Variants in ME3 observed in about 807,000 individuals in gnomAD.
ME3 encodes NADP-dependent malic enzyme, mitochondrial.
In ME3, 48 loss-of-function variants were observed where a neutral mutation model predicts 68.9. That is an observed-to-expected ratio of 0.70 (90% CI 0.55 to 0.89). ME3 has a LOEUF of 0.89. Ranked by LOEUF, ME3 falls within the 40% of genes least tolerant of loss-of-function variation. ME3 has a pLI of 0.00. For missense variants in ME3, 675 were observed against 797.4 expected (o/e 0.85, Z 1.85); for synonymous variants, 320 against 318.8 (o/e 1.00, Z -0.04).
chr11:86,587,549 G>A (rs1958812190), intron 2 of ME3, among the ~76,000 whole-genome samples: 1 of 152,168 alleles, frequency 6.6e-6, no homozygotes, highest in African/African-American at 2.4e-5. Flanking sequence ...GGCCTAACTC[G>A]AGTCTTGCCC....
At chr11:86,453,268 G>A (rs1324953050) in intron 8 of ME3, among the ~76,000 whole-genome samples, 1 of 152,188 alleles carries the variant, frequency 6.6e-6, no homozygotes, top group Non-Finnish European at 1.5e-5. Context: ...CGAAAGTGCT[G>A]GGATTACAGG....
intron 2 of ME3, among the ~76,000 whole-genome samples, chr11:86,607,241 A>G (rs559745673): frequency 4.8e-4 from 73 of 152,204 alleles, no homozygotes; most frequent in Non-Finnish European, 9.0e-4. Flanking sequence ...TGATGGTGCT[A>G]CTTCTTATTT....
At chr11:86,614,969 C>T (rs932841929) in intron 2 of ME3, among the ~76,000 whole-genome samples, 5 of 152,232 alleles carry the variant, frequency 3.3e-5, no homozygotes, top group South Asian at 2.1e-4. Context: ...GGCCATGAGA[C>T]GACTTTTAGG....
chr11:86,445,834 A>G (rs1476463800), intron 13 of ME3, among the ~76,000 whole-genome samples: 2 of 152,188 alleles, frequency 1.3e-5, no homozygotes, highest in Non-Finnish European at 2.9e-5. Context: ...TGGGTCCTCC[A>G]AGGAGAAAAA....
intron 4 of ME3, among the ~76,000 whole-genome samples, chr11:86,523,821 G>T (rs1245435662): frequency 6.6e-6 from 1 of 152,030 alleles, no homozygotes; most frequent in East Asian, 1.9e-4. Flanking sequence ...CGGAATAGAA[G>T]GAAATTTCAG....
intron 7 of ME3, among the ~76,000 whole-genome samples, chr11:86,469,013 C>G (rs1950637480): frequency 1.3e-5 from 2 of 152,002 alleles, no homozygotes; most frequent in Admixed American, 1.3e-4. Context: ...CTGGTTCTGT[C>G]TGACTCAAGA....
intron 4 of ME3, among the ~76,000 whole-genome samples, chr11:86,537,835 A>C (rs1955785469): frequency 6.6e-6 from 1 of 152,188 alleles, no homozygotes; most frequent in Admixed American, 6.5e-5. Flanking sequence ...GGGAGGTTTC[A>C]AAATGTGGAG....
intron 2 of ME3, among the ~76,000 whole-genome samples, chr11:86,629,692 T>G (rs1391863880): frequency 1.3e-5 from 2 of 152,220 alleles, no homozygotes; most frequent in African/African-American, 2.4e-5. Context: ...TTTCCAGAGT[T>G]CAAGAGTAGT....
In ME3 at chr11:86,556,769, G is replaced by A. The variant is rs928628834; in HGVS notation, c.318-67C>T. 16 of 1,545,586 alleles carry A rather than the reference G, an allele frequency of 1.0e-5. No individual in the cohort carries two copies. In the Admixed American group the frequency reaches 2.7e-4, roughly 27 times the overall value. ...GCAGGCCCTGATGCCTCTGTGGTGT[G>A]GTGCAAAGACCCAAGGCTCCTGTTC... On this transcript the variant is annotated intron_variant, in intron 3 of 14. Coordinates refer to ENST00000543262, the Ensembl canonical transcript of ME3.
At chr11:86,506,990 C>G (rs1953126193) in intron 5 of ME3, among the ~76,000 whole-genome samples, 1 of 152,186 alleles carries the variant, frequency 6.6e-6, no homozygotes, top group Non-Finnish European at 1.5e-5. Flanking sequence ...GAGGGAGAAG[C>G]ACAAGGCAAA....
At chr11:86,602,797 A>G (rs1382992473) in intron 2 of ME3, among the ~76,000 whole-genome samples, 5 of 152,216 alleles carry the variant, frequency 3.3e-5, no homozygotes, top group African/African-American at 9.6e-5. Context: ...ATAACGCCAC[A>G]TATCTACAAC....
intron 7 of ME3, among the ~76,000 whole-genome samples, chr11:86,482,913 T>G (rs986596342): frequency 3.9e-5 from 6 of 152,180 alleles, no homozygotes; most frequent in African/African-American, 1.4e-4. Context: ...CTGAGTCAGT[T>G]CAGCTTCCAA....
intron 2 of ME3, among the ~76,000 whole-genome samples, chr11:86,634,259 A>G (rs902213438): frequency 2.6e-5 from 4 of 152,166 alleles, no homozygotes; most frequent in African/African-American, 9.7e-5. Context: ...ACTGGGTTGT[A>G]TGGAGCCAGA....
At chr11:86,541,459 C>T (rs922949904) in intron 4 of ME3, among the ~76,000 whole-genome samples, 3 of 152,072 alleles carry the variant, frequency 2.0e-5, no homozygotes, top group South Asian at 2.1e-4. Context: ...AGCTTGATGG[C>T]GGGAGGGGCA....
intron 2 of ME3, among the ~76,000 whole-genome samples, chr11:86,607,159 A>T (rs1961789124): frequency 6.6e-6 from 1 of 152,168 alleles, no homozygotes; most frequent in South Asian, 2.1e-4. Context: ...CCATCAACTT[A>T]ACACATTCAC....
At chr11:86,587,182 C>G (rs1159157702) in intron 2 of ME3, among the ~76,000 whole-genome samples, 2 of 152,192 alleles carry the variant, frequency 1.3e-5, no homozygotes, top group African/African-American at 4.8e-5. Flanking sequence ...GTAGAAGAAT[C>G]AGCAGGCACA....
At chr11:86,523,332 G>C (rs573080243) in intron 4 of ME3, among the ~76,000 whole-genome samples, 5 of 152,194 alleles carry the variant, frequency 3.3e-5, no homozygotes, top group Non-Finnish European at 5.9e-5. Flanking sequence ...AATAAAATGA[G>C]GTAATATCAC....
At chr11:86,444,282 C>T (rs1949163404) in intron 13 of ME3, among the ~76,000 whole-genome samples, 1 of 152,056 alleles carries the variant, frequency 6.6e-6, no homozygotes, top group Non-Finnish European at 1.5e-5. Context: ...TTGAAAACAG[C>T]ACATTGGTTA....
chr11:86,448,887 G>A (rs929100814), intron 10 of ME3, among the ~76,000 whole-genome samples: 2 of 152,210 alleles, frequency 1.3e-5, no homozygotes, highest in African/African-American at 4.8e-5. Flanking sequence ...GTGCAAAGAT[G>A]TCAGCTTTGA....
Sources: allele counts gnomAD v4.1 joint callset (sites outside exome capture counted in the v4.1 genomes callset), GRCh38; gene constraint gnomAD v4.1.1; transcripts MANE v1.5; gene names NCBI Gene and HGNC (gene_info 2026-07-23, HGNC 2026-07-21).